KIAA1958: variants seen among roughly 807,000 people sequenced by gnomAD.
The protein encoded by KIAA1958 is KIAA1958.
Under a neutral mutation model 47.2 loss-of-function variants are expected in KIAA1958, and 14 were observed. The ratio of observed to expected loss-of-function variants is 0.30; its 90% CI spans 0.20 to 0.46. The LOEUF (loss-of-function observed/expected upper bound fraction) is 0.46, where lower values mean the gene tolerates loss of function less well. Ranked by LOEUF, KIAA1958 falls within the 20% of genes least tolerant of loss-of-function variation. KIAA1958 has a pLI of 1.00. For missense variants in KIAA1958, 803 were observed against 909.2 expected (o/e 0.88, Z 1.50); for synonymous variants, 354 against 353.3 (o/e 1.00, Z -0.02).
chr9:112,515,909 AAAAAGAC>A (rs1416771480), intron 1 of KIAA1958, among the ~76,000 whole-genome samples: 108 of 148,454 alleles, frequency 7.3e-4, no homozygotes, highest in African/African-American at 2.7e-3. Context: ...AAAAAAAAAA[AAAAAGAC>A]TGAATGCTTT....
At chr9:112,587,028 G>A (rs1317725238) in intron 2 of KIAA1958, among the ~76,000 whole-genome samples, 1 of 152,176 alleles carries the variant, frequency 6.6e-6, no homozygotes, top group Admixed American at 6.5e-5. Context: ...GGAGTGAGCA[G>A]AATGCAGGTG....
intron 2 of KIAA1958, among the ~76,000 whole-genome samples, chr9:112,590,315 G>A (rs1835897945): frequency 6.6e-6 from 1 of 150,548 alleles, no homozygotes; most frequent in African/African-American, 2.4e-5. Flanking sequence ...CTCATGAGGT[G>A]ACAACTCCTG....
At chr9:112,606,156 G>A (rs1474018628) in intron 2 of KIAA1958, among the ~76,000 whole-genome samples, 1 of 152,188 alleles carries the variant, frequency 6.6e-6, no homozygotes, top group African/African-American at 2.4e-5. Context: ...CAAGGATGGT[G>A]TGCAGGTTTC....
Position 112,659,743 on chromosome 9 carries a change from T to C in KIAA1958, c.1825T>C (p.Ser609Pro). The stretch of plus-strand genomic sequence containing the variant: ...CGTCAAGCGGGAGAGTCGGAGCGGC[T>C]CCACCAGAGTGTGTCACGGGAAGAT... ...DSVKRESRSG[S>P]TRVCHGKIYH... Residue 609 changes from serine (S) to proline (P), a missense_variant, in exon 4 of 4, where the codon TCC becomes CCC. By Grantham distance (74) the Ser-to-Pro change is moderately conservative. This residue lies in a region of KIAA1958 where 761 missense variants were observed against 829.3 expected (regional missense o/e 0.92). Transcript: ENST00000337530. 1 of 1,614,088 alleles carries C rather than the reference T, an allele frequency of 6.2e-7. No individual in the cohort carries two copies.
At chr9:112,598,112 AT>A (rs1025856316) in intron 2 of KIAA1958, among the ~76,000 whole-genome samples, 3 of 151,780 alleles carry the variant, frequency 2.0e-5, no homozygotes, top group Admixed American at 6.6e-5. Flanking sequence ...ATAATGGAAG[AT>A]TTTTTTTTAA....
chr9:112,521,493 C>T (rs766552658), intron 1 of KIAA1958, among the ~76,000 whole-genome samples: 7 of 152,044 alleles, frequency 4.6e-5, no homozygotes, highest in Non-Finnish European at 7.4e-5. Context: ...GAATTACAGG[C>T]GTGAGCTACC....
intron 1 of KIAA1958, among the ~76,000 whole-genome samples, chr9:112,508,609 T>A (rs7018648): frequency 6.6e-6 from 1 of 151,992 alleles, no homozygotes; most frequent in Non-Finnish European, 1.5e-5. Flanking sequence ...ACTGCTTTGC[T>A]TCAATAGATT....
intron 1 of KIAA1958, among the ~76,000 whole-genome samples, chr9:112,563,282 AT>A (rs1835370261): frequency 6.6e-6 from 1 of 152,020 alleles, no homozygotes; most frequent in African/African-American, 2.4e-5. Context: ...GACCTTCGTG[AT>A]TGGAATTGCA....
At chr9:112,603,459 A>G (rs924777512) in intron 2 of KIAA1958, among the ~76,000 whole-genome samples, 1 of 152,116 alleles carries the variant, frequency 6.6e-6, no homozygotes, top group East Asian at 1.9e-4. Context: ...AAGATGCCCT[A>G]TCCTACTGCC....
At chr9:112,620,686 T>A (rs892298200) in intron 2 of KIAA1958, among the ~76,000 whole-genome samples, 5 of 152,164 alleles carry the variant, frequency 3.3e-5, no homozygotes, top group African/African-American at 1.2e-4. Flanking sequence ...TTTATGTTTT[T>A]GTATTGATAG....
At chr9:112,652,706 A>C (rs532322384) in intron 3 of KIAA1958, among the ~76,000 whole-genome samples, 31 of 151,810 alleles carry the variant, frequency 2.0e-4, no homozygotes, top group African/African-American at 7.5e-4. Flanking sequence ...TGCAGCCTCT[A>C]CCTCCGGGGT....
chr9:112,577,257 A>G (rs796477411), intron 2 of KIAA1958, among the ~76,000 whole-genome samples: 5 of 152,208 alleles, frequency 3.3e-5, no homozygotes, highest in African/African-American at 9.6e-5. Context: ...TATCAGGTAT[A>G]TAATTGGCAA....
intron 1 of KIAA1958, among the ~76,000 whole-genome samples, chr9:112,572,158 C>T (rs185517234): frequency 9.2e-5 from 14 of 152,006 alleles, no homozygotes; most frequent in South Asian, 8.3e-4. Context: ...CACTCTTCTG[C>T]GTATACAGGG....
At chr9:112,559,859 C>A (rs1409897901) in intron 1 of KIAA1958, among the ~76,000 whole-genome samples, 1 of 152,212 alleles carries the variant, frequency 6.6e-6, no homozygotes, top group South Asian at 2.1e-4. Context: ...ATGAGAAAAC[C>A]ACTTTAAAAT....
At chr9:112,537,296 G>A (rs916906926) in intron 1 of KIAA1958, among the ~76,000 whole-genome samples, 8 of 152,074 alleles carry the variant, frequency 5.3e-5, no homozygotes, top group Admixed American at 3.3e-4. Flanking sequence ...TAGTAGAGGC[G>A]GAGTTTCACC....
chr9:112,573,950 CG>C, intron 1 of KIAA1958, 106 bp from the exon 2 acceptor site: 1 of 605,038 alleles, frequency 1.7e-6, no homozygotes, highest in Non-Finnish European at 2.8e-6. Flanking sequence ...TTTTGAAGTG[CG>C]TTTTTTTTTT....
chr9:112,593,797 A>G (rs1047844435), intron 2 of KIAA1958, among the ~76,000 whole-genome samples: 1 of 151,996 alleles, frequency 6.6e-6, no homozygotes, highest in African/African-American at 2.4e-5. Flanking sequence ...CTTGTGACAG[A>G]ATACCCTCCT....
At chr9:112,586,061 C>T (rs1465739997) in intron 2 of KIAA1958, among the ~76,000 whole-genome samples, 2 of 152,162 alleles carry the variant, frequency 1.3e-5, no homozygotes, top group African/African-American at 4.8e-5. Flanking sequence ...TCAAACACCC[C>T]TAGTTTAAAA....
At chr9:112,530,542 A>G (rs1392614802) in intron 1 of KIAA1958, among the ~76,000 whole-genome samples, 2 of 152,126 alleles carry the variant, frequency 1.3e-5, no homozygotes, top group East Asian at 3.8e-4. Flanking sequence ...GATTGGTTTT[A>G]TTTTTTGTAG....
Sources: gnomAD v4.1 joint callset for allele counts (sites outside exome capture counted in the v4.1 genomes callset) on GRCh38, gnomAD v4.1.1 for gene constraint, gnomAD v4.1.1 regional missense constraint, MANE v1.5 for transcripts, NCBI Gene and HGNC (gene_info 2026-07-23, HGNC 2026-07-21) for gene names.